The following GABRG3 variants were observed in gnomAD, a reference collection of about 807,000 sequenced individuals.
The protein encoded by GABRG3 is gamma-aminobutyric acid type A receptor subunit gamma3.
A neutral mutation model predicts 48.8 loss-of-function variants in GABRG3; 25 were observed. That is an observed-to-expected ratio of 0.51 (90% CI 0.37 to 0.72). The LOEUF (loss-of-function observed/expected upper bound fraction) is 0.72, where lower values mean the gene tolerates loss of function less well. Among genes scored for constraint, GABRG3 ranks in the 30% least tolerant of loss-of-function variants. GABRG3 has a pLI of 0.00. For missense variants in GABRG3, 394 were observed against 577.9 expected (o/e 0.68, Z 3.26); for synonymous variants, 227 against 217.6 (o/e 1.04, Z -0.38).
At chr15:27,219,281 G>GGGGCGGGCTGGCCTCA (rs1282807488) in intron 3 of GABRG3, among the ~76,000 whole-genome samples, 51 of 149,526 alleles carry the variant, frequency 3.4e-4, no homozygotes, top group African/African-American at 1.3e-3. Context: ...GGCTGGCCTT[G>GGGGCGGGCTGGCCTCA]GGGCGGGCTG....
At chr15:27,238,856 C>T (rs749782675) in intron 3 of GABRG3, among the ~76,000 whole-genome samples, 4 of 152,190 alleles carry the variant, frequency 2.6e-5, no homozygotes, top group Non-Finnish European at 4.4e-5. Context: ...TGCTATTGTG[C>T]TGTACTAACC....
At chr15:27,473,122 A>G (rs1168508417) in intron 5 of GABRG3, among the ~76,000 whole-genome samples, 4 of 152,232 alleles carry the variant, frequency 2.6e-5, no homozygotes, top group African/African-American at 9.6e-5. Context: ...AATACTCACT[A>G]TATAAAAATA....
intron 2 of GABRG3, among the ~76,000 whole-genome samples, chr15:27,007,421 G>A (rs891190003): frequency 6.6e-5 from 10 of 152,080 alleles, no homozygotes; most frequent in Non-Finnish European, 1.3e-4. Flanking sequence ...TATTCCTTTG[G>A]TTATATACCC....
At chr15:27,328,104 A>T (rs1566787916) in intron 4 of GABRG3, among the ~76,000 whole-genome samples, 1 of 149,960 alleles carries the variant, frequency 6.7e-6, no homozygotes, top group African/African-American at 2.5e-5. Flanking sequence ...AATTACAGCA[A>T]AAACAAACAA....
At chr15:27,305,028 T>A (rs1397631380) in intron 3 of GABRG3, among the ~76,000 whole-genome samples, 1 of 151,964 alleles carries the variant, frequency 6.6e-6, no homozygotes, top group African/African-American at 2.4e-5. Context: ...TTGGTGGCTT[T>A]ACTTTAGGTG....
intron 4 of GABRG3, 137 bp downstream of exon 4, chr15:27,327,166 A>C (rs1039937958): frequency 2.7e-6 from 2 of 738,250 alleles, no homozygotes; most frequent in African/African-American, 3.5e-5. Flanking sequence ...CATCCTGAGA[A>C]AGTCTGCCCT....
intron 3 of GABRG3, among the ~76,000 whole-genome samples, chr15:27,106,776 A>T (rs1332854097): frequency 6.6e-6 from 1 of 152,062 alleles, no homozygotes; most frequent in African/African-American, 2.4e-5. Context: ...AAGATAAAAA[A>T]GGAACACTCT....
At chr15:27,351,712 TTGTGTG>T (rs377085243) in intron 5 of GABRG3, among the ~76,000 whole-genome samples, 1 of 147,998 alleles carries the variant, frequency 6.8e-6, no homozygotes, top group African/African-American at 2.5e-5. Flanking sequence ...TATGGGGTAT[TTGTGTG>T]TGTGTGTATA....
At chr15:27,152,063 C>A (rs113033943) in intron 3 of GABRG3, among the ~76,000 whole-genome samples, 8 of 152,202 alleles carry the variant, frequency 5.3e-5, no homozygotes, top group African/African-American at 1.4e-4. Context: ...GAGAAGTAGA[C>A]CTTTTTTTAT....
chr15:27,327,248 A>G (rs934938527), intron 4 of GABRG3, among the ~76,000 whole-genome samples: 4 of 152,206 alleles, frequency 2.6e-5, no homozygotes, highest in Admixed American at 2.0e-4. Context: ...TTCAGAATCT[A>G]TTTCTGCTGG....
At chr15:27,006,848 TC>T (rs1196486367) in intron 2 of GABRG3, among the ~76,000 whole-genome samples, 3 of 128,818 alleles carry the variant, frequency 2.3e-5, no homozygotes, top group African/African-American at 5.7e-5. Context: ...GTTTTTTTTT[TC>T]TTTTTTTTGA....
chr15:27,329,142 T>G (rs1175711778), intron 5 of GABRG3, among the ~76,000 whole-genome samples: 1 of 152,238 alleles, frequency 6.6e-6, no homozygotes, highest in African/African-American at 2.4e-5. Flanking sequence ...CAGAAACTGA[T>G]GAACCATTGA....
At chr15:27,357,418 T>C (rs899750216) in intron 5 of GABRG3, among the ~76,000 whole-genome samples, 3 of 152,230 alleles carry the variant, frequency 2.0e-5, no homozygotes, top group African/African-American at 7.2e-5. Flanking sequence ...TAAACATTAT[T>C]GGAACACCAC....
At position 27,018,201 on chromosome 15, in the gene GABRG3, C is replaced by G. The variant is rs145662904; in HGVS notation, c.203-8553C>G. Among the ~76,000 whole-genome samples, 703 of 152,344 alleles carry G rather than the reference C, an allele frequency of 4.6e-3. 9 individuals are homozygous for G. Among genetic ancestry groups the G allele is most frequent in the African/African-American group, 0.016 (666 of 41,584 alleles). Reference sequence around the variant, plus strand: ...AAGTGACTTTCTCAAGGCCATATGGCTACTTCAGAGTCAAATTTATAACAT... The same window carrying G: ...AAGTGACTTTCTCAAGGCCATATGGGTACTTCAGAGTCAAATTTATAACAT... On this transcript the variant is annotated intron_variant, in intron 2 of 9. Coordinates refer to ENST00000615808, the MANE Select transcript of GABRG3 (RefSeq NM_033223.5).
intron 3 of GABRG3, among the ~76,000 whole-genome samples, chr15:27,130,154 C>T (rs1897891429): frequency 1.3e-5 from 2 of 152,000 alleles, no homozygotes; most frequent in African/African-American, 4.8e-5. Context: ...AGCTTTTCCC[C>T]TTGGTTTTCA....
chr15:27,154,886 G>A (rs889528553), intron 3 of GABRG3, among the ~76,000 whole-genome samples: 35 of 151,864 alleles, frequency 2.3e-4, no homozygotes, highest in Admixed American at 2.3e-3. Context: ...TCTATTTTCT[G>A]GAAGAGATTG....
At chr15:27,355,456 A>G (rs776501316) in intron 5 of GABRG3, among the ~76,000 whole-genome samples, 5 of 152,236 alleles carry the variant, frequency 3.3e-5, no homozygotes, top group Non-Finnish European at 7.3e-5. Context: ...TAGGATGGCT[A>G]TAACACAAAA....
At chr15:27,271,270 A>C (rs1728468015) in intron 3 of GABRG3, among the ~76,000 whole-genome samples, 1 of 152,112 alleles carries the variant, frequency 6.6e-6, no homozygotes, top group African/African-American at 2.4e-5. Context: ...CGACATCCTG[A>C]CCCATTCTCC....
At chr15:27,408,802 GA>G (rs1887713666) in intron 5 of GABRG3, among the ~76,000 whole-genome samples, 1 of 152,158 alleles carries the variant, frequency 6.6e-6, no homozygotes, top group Non-Finnish European at 1.5e-5. Context: ...AAAAAGACAG[GA>G]AACTGGACCC....
Sources: gnomAD v4.1 joint callset for allele counts (sites outside exome capture counted in the v4.1 genomes callset) on GRCh38, gnomAD v4.1.1 for gene constraint, MANE v1.5 for transcripts, NCBI Gene and HGNC (gene_info 2026-07-23, HGNC 2026-07-21) for gene names.